Variants in DPP6 observed in about 807,000 individuals in gnomAD.
The protein encoded by DPP6 is A-type potassium channel modulatory protein DPP6.
Under a neutral mutation model 122.6 loss-of-function variants are expected in DPP6, and 69 were observed. The ratio of observed to expected loss-of-function variants is 0.56; its 90% confidence interval spans 0.46 to 0.69. DPP6 has a LOEUF of 0.69. DPP6 is among the 30% of genes least tolerant of loss of function. DPP6 has a pLI of 0.00. For synonymous variants in DPP6, 418 were observed against 433.1 expected, an observed-to-expected ratio of 0.97 and a Z score of 0.43; for missense variants, 928 against 1,116.9, an observed-to-expected ratio of 0.83 and a Z score of 2.41.
chr7:154,706,984 C>T (rs1211393082), intron 7 of DPP6, among the ~76,000 whole-genome samples: 1 of 152,188 alleles, frequency 6.6e-6, no homozygotes, highest in Non-Finnish European at 1.5e-5. Flanking sequence ...GTAGGAAGAG[C>T]AATTTTAGAT....
At chr7:153,887,238 C>T (rs1339624927) in exon 1 of DPP6, 1 of 153,376 alleles carries the variant, frequency 6.5e-6, no homozygotes, top group Non-Finnish European at 1.4e-5. Flanking sequence ...CCCCCGGAGC[C>T]GGGGCCGAGC....
At chr7:154,394,236 CCTCA>C (rs1814878976) in intron 1 of DPP6, among the ~76,000 whole-genome samples, 1 of 152,164 alleles carries the variant, frequency 6.6e-6, no homozygotes, top group Non-Finnish European at 1.5e-5. Context: ...TTCTCCACAT[CCTCA>C]CTAACTTATT....
chr7:154,851,174 C>T (rs73169067), intron 16 of DPP6, among the ~76,000 whole-genome samples: 1,928 of 152,214 alleles, frequency 0.013, 19 homozygotes, highest in Non-Finnish European at 0.02. Flanking sequence ...AGATTAAAAG[C>T]GACTAATTCA....
At position 154,028,075 on chromosome 7, in the gene DPP6, GGCTGCCCA is replaced by G. The variant is rs1799034257; in HGVS notation, c.51+140343_51+140350del. 2.0e-5 allele frequency among the ~76,000 whole-genome samples: 3 copies of G among 151,316 alleles called. No homozygotes were observed. The South Asian group carries it at 6.3e-4, about 32-fold the overall frequency. ...GTCACCACCGGCCGGTGCTCCCATG[GGCTGCCCA>G]GGTGCCCAGGCGTCCTGGGTCCCCA... On this transcript the variant is annotated intron_variant, in intron 1 of 25. Coordinates refer to the DPP6 transcript ENST00000404039.
chr7:154,273,401 C>T (rs1192310532), intron 1 of DPP6, among the ~76,000 whole-genome samples: 1 of 152,182 alleles, frequency 6.6e-6, no homozygotes, highest in Non-Finnish European at 1.5e-5. Flanking sequence ...GCTCCCCTAG[C>T]AAGGTGTTTA....
chr7:154,440,684 C>G (rs1344391322), intron 1 of DPP6, among the ~76,000 whole-genome samples: 1 of 152,176 alleles, frequency 6.6e-6, no homozygotes, highest in African/African-American at 2.4e-5. Flanking sequence ...TGCAGGCTGC[C>G]TGATAGAAGA....
intron 1 of DPP6, among the ~76,000 whole-genome samples, chr7:154,126,566 A>G (rs994447265): frequency 1.3e-5 from 2 of 151,566 alleles, no homozygotes; most frequent in Non-Finnish European, 2.9e-5. Flanking sequence ...TTTTGCTTCC[A>G]AGATGAACAT....
the DPP6 span, among the ~76,000 whole-genome samples, chr7:153,855,155 G>T: frequency 1.3e-5 from 2 of 148,440 alleles, no homozygotes; most frequent in African/African-American, 2.5e-5. Flanking sequence ...AAGTTAGTGG[G>T]TGCAGCGCAC....
At chr7:153,871,168 C>T in the DPP6 span, among the ~76,000 whole-genome samples, 494 of 152,338 alleles carry the variant, frequency 3.2e-3, 7 homozygotes, top group Non-Finnish European at 1.1e-3. Context: ...CCACTACTCT[C>T]TTTCAAAGCT....
intron 16 of DPP6, among the ~76,000 whole-genome samples, chr7:154,849,868 A>T (rs889557626): frequency 6.6e-6 from 1 of 152,182 alleles, no homozygotes; most frequent in African/African-American, 2.4e-5. Flanking sequence ...AGCTTTTATC[A>T]TGAAAGGATG....
intron 18 of DPP6, among the ~76,000 whole-genome samples, chr7:154,869,689 C>T (rs916328752): frequency 1.3e-5 from 2 of 152,238 alleles, no homozygotes; most frequent in African/African-American, 4.8e-5. Context: ...GCCCTCCCTG[C>T]AGCCCACCAC....
At chr7:154,302,852 CT>C (rs1348017050) in intron 1 of DPP6, among the ~76,000 whole-genome samples, 1 of 152,126 alleles carries the variant, frequency 6.6e-6, no homozygotes, top group Non-Finnish European at 1.5e-5. Context: ...TTCCTCTCGT[CT>C]GCTGTCTTCC....
At position 153,947,878 on chromosome 7, in the gene DPP6, C is replaced by T. The variant is rs75396487; in HGVS notation, c.51+60144C>T. ...GAGGCGGGGAAGTCGGATGGTCCTT[C>T]CTGCGCCTGACACTGCTCACATTCT... On this transcript the variant is annotated intron_variant, in intron 1 of 25. Coordinates refer to the DPP6 transcript ENST00000404039. Among the ~76,000 whole-genome samples the T allele has an allele frequency of 4.3e-3, 650 of 152,286 alleles. 4 individuals carry two copies. The highest frequency in any genetic ancestry group is 0.015 in the African/African-American group (618 of 41,552).
At chr7:153,913,656 G>T (rs188829217) in intron 1 of DPP6, among the ~76,000 whole-genome samples, 1 of 145,546 alleles carries the variant, frequency 6.9e-6, no homozygotes, top group Non-Finnish European at 1.5e-5. Context: ...CAAGGTAAAA[G>T]ACTACTGAAT....
intron 1 of DPP6, among the ~76,000 whole-genome samples, chr7:153,948,607 C>T (rs2041204): frequency 0.49 from 72,984 of 149,646 alleles, 18,810 homozygotes; most frequent in East Asian, 0.86. Flanking sequence ...CTACCTTCCT[C>T]ACTGTTTTTT....
chr7:154,311,824 C>T (rs1485511891), intron 1 of DPP6, among the ~76,000 whole-genome samples: 1 of 152,176 alleles, frequency 6.6e-6, no homozygotes, highest in Non-Finnish European at 1.5e-5. Context: ...ACTCTTCTAT[C>T]AAAAATGCTC....
Position 153,999,525 on chromosome 7 carries a change from A to G in DPP6, c.51+111791A>G, listed in dbSNP as rs1797591460. ...TACTGTTGAAATCTATGGCTTCTTT[A>G]GTGAGTACTTGCCGAGTGCTCACTG... is the stretch of plus-strand genomic sequence containing the variant. On this transcript the variant is annotated intron_variant, in intron 1 of 25. Transcript: ENST00000404039. 2.0e-5 allele frequency among the ~76,000 whole-genome samples: 3 copies of G among 152,274 alleles called. No individual in the cohort carries two copies. In the South Asian group the frequency reaches 6.2e-4, roughly 32 times the overall value.
At chr7:153,898,871 T>G (rs1439795572) in intron 1 of DPP6, among the ~76,000 whole-genome samples, 2 of 152,240 alleles carry the variant, frequency 1.3e-5, no homozygotes, top group Admixed American at 6.5e-5. Context: ...GAGCATCTTT[T>G]CTGTGCTTTG....
At chr7:154,510,946 A>ATG (rs1168861192) in intron 3 of DPP6, among the ~76,000 whole-genome samples, 1 of 76,730 alleles carries the variant, frequency 1.3e-5, no homozygotes, top group Non-Finnish European at 3.0e-5. Context: ...GCACACACAC[A>ATG]CACACACACA....
Sources: gnomAD v4.1 joint callset for allele counts (sites outside exome capture counted in the v4.1 genomes callset) on GRCh38, gnomAD v4.1.1 for gene constraint, MANE v1.5 for transcripts, NCBI Gene and HGNC (gene_info 2026-07-23, HGNC 2026-07-21) for gene names.